The following EPHA3 variants were observed in gnomAD, a reference collection of about 807,000 sequenced individuals.
EPHA3 encodes the protein ephrin type-A receptor 3.
EPHA3 carries 42 observed loss-of-function variants against 107.1 expected under a neutral mutation model. The observed-to-expected ratio is 0.39, with a 90% CI of 0.31 to 0.51. The LOEUF (loss-of-function observed/expected upper bound fraction) is 0.51. EPHA3 is among the 20% of genes least tolerant of loss of function. EPHA3 has a pLI of 0.78. For missense variants in EPHA3, 1,183 were observed against 1,211.2 expected, an observed-to-expected ratio of 0.98 and a Z score of 0.35; for synonymous variants, 461 against 424.8, an observed-to-expected ratio of 1.09 and a Z score of -1.05.
At chr3:89,192,290 A>G (rs1705737534) in intron 2 of EPHA3, among the ~76,000 whole-genome samples, 3 of 152,170 alleles carry the variant, frequency 2.0e-5, no homozygotes, top group Admixed American at 2.0e-4. Flanking sequence ...ACTTACATTC[A>G]ACACCTACAA....
At chr3:89,292,956 TG>T (rs1706250907) in intron 3 of EPHA3, among the ~76,000 whole-genome samples, 1 of 152,208 alleles carries the variant, frequency 6.6e-6, no homozygotes, top group South Asian at 2.1e-4. Flanking sequence ...TTTGTATCTC[TG>T]CCTGCTGTGT....
rs757572238 is a variant in EPHA3, at chr3:89,459,479, CTCCTTCCTTCTCTCCT to C, written c.2690+9120_2690+9135del. Among the ~76,000 whole-genome samples the C allele has an allele frequency of 5.9e-3, 859 of 144,372 alleles. 4 individuals are homozygous for C. The highest frequency in any genetic ancestry group is 9.5e-3 in the Non-Finnish European group (633 of 66,600). 94.7% of individuals were successfully genotyped at this position (144,372 alleles called of 152,430 possible). On this transcript the variant is annotated intron_variant, in intron 15 of 16. Coordinates refer to ENST00000336596, the MANE Select transcript of EPHA3 (RefSeq NM_005233.6). ...TTCCCTTCTTTCTCTCCTTCCTTCT[CTCCTTCCTTCTCTCCT>C]TCCTTCCTTCCTTCCTTCCTTCCTT...
chr3:89,307,432 C>T (rs1390956209), intron 3 of EPHA3, among the ~76,000 whole-genome samples: 1 of 152,122 alleles, frequency 6.6e-6, no homozygotes, highest in Non-Finnish European at 1.5e-5. Flanking sequence ...AATTATTCAG[C>T]TGGTAGCATT....
intron 3 of EPHA3, among the ~76,000 whole-genome samples, chr3:89,330,114 T>C (rs1426069406): frequency 2.0e-5 from 3 of 152,070 alleles, no homozygotes; most frequent in African/African-American, 7.2e-5. Context: ...TTATTTATCA[T>C]GGTGTTTATG....
chr3:89,396,567 A>G (rs982647276), intron 6 of EPHA3, among the ~76,000 whole-genome samples: 3 of 152,182 alleles, frequency 2.0e-5, no homozygotes, highest in Admixed American at 1.3e-4. Flanking sequence ...TTATTAAAAA[A>G]TAGTTATGTG....
rs775004088 is a variant in EPHA3, at chr3:89,479,421, C to T, written c.2871C>T (p.Thr957=). ...STDDMKKVGV[T]VVGPQKKIIS... is the part of the protein sequence containing the mutation. ...GTGACATGAAAAAGGTTGGTGTCAC[C>T]GTGGTTGGGCCACAGAAGAAGATCA... is the stretch of plus-strand genomic sequence containing the variant. The change falls in exon 17 of 17, where the codon ACC becomes ACT. Residue 957 remains threonine, a synonymous_variant. Transcript: ENST00000336596. The T allele has an allele frequency of 3.7e-6, 6 of 1,613,952 alleles. No homozygotes were observed. Among genetic ancestry groups the T allele is most frequent in the East Asian group, 2.2e-5 (1 of 44,876 alleles).
At chr3:89,162,992 C>T (rs1294353633) in intron 2 of EPHA3, among the ~76,000 whole-genome samples, 1 of 152,122 alleles carries the variant, frequency 6.6e-6, no homozygotes. Flanking sequence ...TCAACATAGT[C>T]GCACAACAAA....
At chr3:89,478,048 A>T (rs182069851) in intron 16 of EPHA3, among the ~76,000 whole-genome samples, 98 of 152,292 alleles carry the variant, frequency 6.4e-4, no homozygotes, top group South Asian at 4.8e-3. Flanking sequence ...TTAGAGGGGG[A>T]TGTTTGAGCA....
intron 2 of EPHA3, among the ~76,000 whole-genome samples, chr3:89,169,798 T>C (rs189032533): frequency 2.0e-5 from 3 of 152,330 alleles, no homozygotes; most frequent in East Asian, 3.9e-4. Context: ...TAAATTCTAC[T>C]TCATAACCTT....
intron 13 of EPHA3, among the ~76,000 whole-genome samples, chr3:89,431,837 A>G (rs893841433): frequency 6.6e-6 from 1 of 152,338 alleles, no homozygotes; most frequent in Middle Eastern, 3.4e-3. Flanking sequence ...CACAGACAAC[A>G]TTTATAAGAT....
chr3:89,206,642 A>T (rs1031540489), intron 2 of EPHA3, among the ~76,000 whole-genome samples: 3 of 152,158 alleles, frequency 2.0e-5, no homozygotes, highest in African/African-American at 7.2e-5. Flanking sequence ...TGGAGCACCA[A>T]GTCTGTTGAC....
chr3:89,340,258 T>G (rs2107415784), intron 3 of EPHA3, among the ~76,000 whole-genome samples: 1 of 152,336 alleles, frequency 6.6e-6, no homozygotes. Flanking sequence ...TAACAGTTCA[T>G]AAGTGTATTA....
intron 13 of EPHA3, among the ~76,000 whole-genome samples, chr3:89,445,244 CCTAA>C (rs1268557011): frequency 6.6e-6 from 1 of 152,114 alleles, no homozygotes; most frequent in African/African-American, 2.4e-5. Context: ...GCATTCCAGA[CCTAA>C]CTGTCTATGG....
At chr3:89,213,051 A>G (rs1294975667) in intron 3 of EPHA3, among the ~76,000 whole-genome samples, 1 of 152,034 alleles carries the variant, frequency 6.6e-6, no homozygotes, top group Non-Finnish European at 1.5e-5. Context: ...TTTCAATAAC[A>G]GGATAATTTT....
At chr3:89,301,638 G>A (rs1159503152) in intron 3 of EPHA3, among the ~76,000 whole-genome samples, 1 of 152,058 alleles carries the variant, frequency 6.6e-6, no homozygotes, top group African/African-American at 2.4e-5. Flanking sequence ...AATATAAAAT[G>A]TTAGGTCACT....
At chr3:89,242,526 C>T (rs1289372992) in intron 3 of EPHA3, among the ~76,000 whole-genome samples, 2 of 152,172 alleles carry the variant, frequency 1.3e-5, no homozygotes, top group Non-Finnish European at 2.9e-5. Flanking sequence ...CAAGCTCCGC[C>T]TCCCGGGTTC....
intron 7 of EPHA3, among the ~76,000 whole-genome samples, chr3:89,403,763 C>A (rs1201772419): frequency 6.6e-6 from 1 of 152,090 alleles, no homozygotes; most frequent in Non-Finnish European, 1.5e-5. Flanking sequence ...GTGAACTTGA[C>A]AAGTCATTTC....
At position 89,218,202 on chromosome 3, in the gene EPHA3, C is replaced by T. The variant is rs1293161535; in HGVS notation, c.814+7682C>T. 4.6e-5 allele frequency among the ~76,000 whole-genome samples: 7 copies of T among 151,792 alleles called. No individual in the cohort carries two copies. In the East Asian group the frequency reaches 7.8e-4, roughly 17 times the overall value. The stretch of plus-strand genomic sequence containing the variant: ...ATGTGCACAACGTGCAGGTTTGTTA[C>T]ATATGTACACATGTGCCATGTTGGT... On this transcript the variant is annotated intron_variant, in intron 3 of 16. Transcript: ENST00000336596.
intron 3 of EPHA3, among the ~76,000 whole-genome samples, chr3:89,295,585 T>C (rs78983868): frequency 0.027 from 4,125 of 152,218 alleles, 78 homozygotes; most frequent in Middle Eastern, 0.058. Flanking sequence ...TTGTTATTAT[T>C]TCCTTTTTTT....
Sources: allele counts gnomAD v4.1 joint callset (sites outside exome capture counted in the v4.1 genomes callset), GRCh38; gene constraint gnomAD v4.1.1; transcripts MANE v1.5; gene names NCBI Gene and HGNC (gene_info 2026-07-23, HGNC 2026-07-21).